SLC25A13: variants seen among roughly 807,000 people sequenced by gnomAD.
SLC25A13 encodes electrogenic aspartate/glutamate antiporter SLC25A13, mitochondrial.
In SLC25A13, 70 loss-of-function variants were observed where a neutral mutation model predicts 85.5. That is an observed-to-expected ratio of 0.82 (90% CI 0.68 to 1.00). The LOEUF is 1.00. SLC25A13 is among the 50% of genes least tolerant of loss of function. The pLI is 0.00. For missense variants in SLC25A13, 765 were observed against 819.8 expected (o/e 0.93, Z 0.82); for synonymous variants, 259 against 288.7 (o/e 0.90, Z 1.04).
chr7:96,204,317 GA>G (rs1362799847), intron 5 of SLC25A13, among the ~76,000 whole-genome samples: 1 of 152,184 alleles, frequency 6.6e-6, no homozygotes, highest in Non-Finnish European at 1.5e-5. Flanking sequence ...TAATTTGGTA[GA>G]AAAGTTTTAG....
chr7:96,263,631 C>A (rs935372548), intron 3 of SLC25A13, among the ~76,000 whole-genome samples: 1 of 152,094 alleles, frequency 6.6e-6, no homozygotes, highest in African/African-American at 2.4e-5. Context: ...ACCCTGGATT[C>A]CCCTCTCACC....
intron 13 of SLC25A13, among the ~76,000 whole-genome samples, chr7:96,163,078 G>A (rs2116547329): frequency 6.6e-6 from 1 of 152,298 alleles, no homozygotes; most frequent in African/African-American, 2.4e-5. Context: ...GAATCCTCCA[G>A]TGGCAGTTAA....
chr7:96,134,333 G>C (rs562274625), intron 14 of SLC25A13, among the ~76,000 whole-genome samples: 57 of 152,170 alleles, frequency 3.7e-4, no homozygotes, highest in African/African-American at 1.3e-3. Context: ...CACTGCGCCT[G>C]GCCACTTTTA....
rs1472181392 is a variant in SLC25A13 at position 96,208,980 on chromosome 7, G to GA, written c.329-4dup. 2.5e-6 allele frequency: 4 copies of GA among 1,613,582 alleles called. 1 individual carries two copies. Among genetic ancestry groups the GA allele is most frequent in the Non-Finnish European group, 3.4e-6 (4 of 1,179,810 alleles). On this transcript the variant is annotated splice_polypyrimidine_tract_variant and splice_region_variant and intron_variant, in intron 4 of 17. Coordinates refer to ENST00000265631, the MANE Select transcript of SLC25A13 (RefSeq NM_014251.3). ...TCCAAAAACTTGCTTAACATCCTCTGAAAAGAGAAAAGACAGGTTGATTAA... is the reference window on the plus strand; with the variant it reads ...TCCAAAAACTTGCTTAACATCCTCTGAAAAAGAGAAAAGACAGGTTGATTAA...
intron 3 of SLC25A13, among the ~76,000 whole-genome samples, chr7:96,276,384 G>A (rs1798451182): frequency 6.6e-6 from 1 of 152,218 alleles, no homozygotes; most frequent in African/African-American, 2.4e-5. Context: ...CACTTTGGGA[G>A]GTAGAGGCAA....
At position 96,189,716 on chromosome 7, in the gene SLC25A13, A is replaced by G. The variant is rs772814236; in HGVS notation, c.755-42T>C. 1.4e-5 allele frequency: 22 copies of G among 1,524,752 alleles called. No individual in the cohort carries two copies. The Middle Eastern group carries it at 6.8e-4, about 47-fold the overall frequency. The allele number at this position is 1,524,752 out of a possible 1,614,324, so 94.5% of individuals were successfully genotyped here. A position where few individuals can be genotyped will look rare whatever the true frequency, so the allele number is the denominator to read the frequency against. The stretch of plus-strand genomic sequence containing the variant: ...TTAAAAGGGAAAGATTCAAGAAGAA[A>G]TAGCCACTAAATTCAGCATTAACTC... On this transcript the variant is annotated intron_variant, in intron 7 of 17. Coordinates refer to ENST00000265631, the MANE Select transcript of SLC25A13 (RefSeq NM_014251.3).
chr7:96,206,828 G>C (rs919858693), intron 5 of SLC25A13, among the ~76,000 whole-genome samples: 2 of 152,164 alleles, frequency 1.3e-5, no homozygotes, highest in Admixed American at 6.5e-5. Flanking sequence ...AAGGCCCAGA[G>C]GCTGCTGTGA....
chr7:96,193,428 A>C (rs1295966011), intron 5 of SLC25A13, among the ~76,000 whole-genome samples: 1 of 152,118 alleles, frequency 6.6e-6, no homozygotes, highest in Non-Finnish European at 1.5e-5. Flanking sequence ...AAACCCAATT[A>C]CTTCCGTGCT....
At chr7:96,287,094 A>G (rs1157690747) in intron 2 of SLC25A13, among the ~76,000 whole-genome samples, 2 of 152,248 alleles carry the variant, frequency 1.3e-5, no homozygotes, top group Non-Finnish European at 2.9e-5. Context: ...CTGCTGATCC[A>G]TAATTAACTA....
chr7:96,218,517 C>T (rs929585816), intron 4 of SLC25A13, among the ~76,000 whole-genome samples: 3 of 152,146 alleles, frequency 2.0e-5, no homozygotes, highest in Admixed American at 1.3e-4. Context: ...TCATCAAGGT[C>T]TTCACTTATG....
At chr7:96,184,528 G>T in intron 10 of SLC25A13, 93 bp from the exon 11 acceptor site, 2 of 1,204,410 alleles carry the variant, frequency 1.7e-6, no homozygotes, top group South Asian at 1.3e-5. Context: ...ACTGAGAAAA[G>T]AAATGTGTTT....
intron 4 of SLC25A13, among the ~76,000 whole-genome samples, chr7:96,215,124 A>T (rs763683668): frequency 2.6e-5 from 4 of 152,174 alleles, no homozygotes; most frequent in Non-Finnish European, 5.9e-5. Context: ...GAACAGATGG[A>T]GTCTTGCTCT....
At chr7:96,240,081 C>T (rs1167465670) in intron 3 of SLC25A13, among the ~76,000 whole-genome samples, 1 of 152,106 alleles carries the variant, frequency 6.6e-6, no homozygotes, top group Non-Finnish European at 1.5e-5. Context: ...ACTTTAGGTC[C>T]CTCCTCCCCC....
In SLC25A13 at chr7:96,121,994, A is replaced by G; in HGVS notation, c.1595T>C (p.Met532Thr). 6.2e-7 allele frequency: 1 copy of G among 1,614,188 alleles called. No homozygotes were observed. Among genetic ancestry groups the G allele is most frequent in the Non-Finnish European group, 8.5e-7 (1 of 1,180,030 alleles). Residue 532 changes from methionine to threonine, a missense_variant, in exon 16 of 18, where the codon ATG becomes ACG. Transcript: ENST00000265631. ...SLLLAGAIAGMPAASLVTPAD... is the reference protein window; with the variant it reads ...SLLLAGAIAGTPAASLVTPAD... The stretch of plus-strand genomic sequence containing the variant: ...AGGGGTCACTAAAGATGCTGCAGGC[A>G]TACCTGCAGGAGAGACACAACACCA...
At chr7:96,294,959 T>A (rs562239406) in intron 2 of SLC25A13, among the ~76,000 whole-genome samples, 1 of 152,360 alleles carries the variant, frequency 6.6e-6, no homozygotes, top group African/African-American at 2.4e-5. Context: ...CATTACTTAA[T>A]TTCAAGCATT....
At chr7:96,243,474 C>A (rs1797068234) in intron 3 of SLC25A13, among the ~76,000 whole-genome samples, 1 of 152,084 alleles carries the variant, frequency 6.6e-6, no homozygotes. Context: ...TAGAGCAACG[C>A]CTTGGAATCA....
At chr7:96,305,752 A>C (rs1305319449) in intron 1 of SLC25A13, among the ~76,000 whole-genome samples, 6 of 152,234 alleles carry the variant, frequency 3.9e-5, no homozygotes. Context: ...GAGAGAGAAA[A>C]GCTAATTTAA....
intron 4 of SLC25A13, among the ~76,000 whole-genome samples, chr7:96,209,860 T>C (rs926488006): frequency 6.6e-6 from 1 of 152,220 alleles, no homozygotes; most frequent in Non-Finnish European, 1.5e-5. Flanking sequence ...TATTAGCATA[T>C]TAATAATTTT....
intron 2 of SLC25A13, among the ~76,000 whole-genome samples, chr7:96,287,394 G>C (rs144297702): frequency 1.2e-3 from 177 of 152,218 alleles, no homozygotes; most frequent in African/African-American, 3.9e-3. Flanking sequence ...CATAGTCCCA[G>C]CCACCCCAAG....
Sources: gnomAD v4.1 joint callset for allele counts (sites outside exome capture counted in the v4.1 genomes callset) on GRCh38, gnomAD v4.1.1 for gene constraint, MANE v1.5 for transcripts, NCBI Gene and HGNC (gene_info 2026-07-23, HGNC 2026-07-21) for gene names.